Variants in MGAT5 observed in about 807,000 individuals in gnomAD.
MGAT5 encodes alpha-1,6-mannosylglycoprotein 6-beta-N-acetylglucosaminyltransferase A.
A neutral mutation model predicts 94.3 loss-of-function variants in MGAT5; 30 were observed. The observed-to-expected ratio is 0.32, with a 90% CI of 0.24 to 0.43. MGAT5 has a LOEUF of 0.43. Among genes scored for constraint, MGAT5 ranks in the 20% least tolerant of loss-of-function variants. The pLI is 1.00. For missense variants in MGAT5, 691 were observed against 905.5 expected, an observed-to-expected ratio of 0.76 and a Z score of 3.04; for synonymous variants, 310 against 322.9, an observed-to-expected ratio of 0.96 and a Z score of 0.43.
At chr2:134,361,855 T>G (rs1397866707) in intron 9 of MGAT5, among the ~76,000 whole-genome samples, 1 of 152,172 alleles carries the variant, frequency 6.6e-6, no homozygotes, top group East Asian at 1.9e-4. Flanking sequence ...CAGATTCAGT[T>G]ATGTGGGGAC....
At chr2:134,307,577 T>A (rs776072124) in intron 2 of MGAT5, among the ~76,000 whole-genome samples, 26 of 152,102 alleles carry the variant, frequency 1.7e-4, no homozygotes, top group Non-Finnish European at 3.5e-4. Context: ...AGGCTGGAAT[T>A]CATGATTCTG....
At chr2:134,336,194 T>G in intron 4 of MGAT5, 23 bp from the exon 5 acceptor site, 1 of 1,599,166 alleles carries the variant, frequency 6.3e-7, no homozygotes, top group Non-Finnish European at 8.6e-7. Context: ...AGCTGCATAT[T>G]TAGTGTCACT....
intron 14 of MGAT5, among the ~76,000 whole-genome samples, chr2:134,437,028 G>A (rs753004611): frequency 2.5e-4 from 38 of 152,154 alleles, no homozygotes; most frequent in Admixed American, 4.6e-4. Flanking sequence ...TCGCTCTGTC[G>A]CCCAGGCTGG....
chr2:134,196,654 A>G (rs1240094649), intron 1 of MGAT5, among the ~76,000 whole-genome samples: 1 of 152,258 alleles, frequency 6.6e-6, no homozygotes, highest in Non-Finnish European at 1.5e-5. Context: ...TTTATAGTTT[A>G]GAGCAAGCTT....
At chr2:134,198,065 C>T (rs924552269) in intron 1 of MGAT5, among the ~76,000 whole-genome samples, 2 of 152,154 alleles carry the variant, frequency 1.3e-5, no homozygotes, top group African/African-American at 4.8e-5. Context: ...CAGTATATCC[C>T]ATTTGGGCCT....
intron 14 of MGAT5, among the ~76,000 whole-genome samples, chr2:134,439,760 C>T (rs1391048944): frequency 6.6e-6 from 1 of 152,154 alleles, no homozygotes; most frequent in Non-Finnish European, 1.5e-5. Context: ...AACAGTATGC[C>T]CTCTGGATGC....
chr2:134,419,505 T>C (rs534974379), intron 12 of MGAT5, among the ~76,000 whole-genome samples: 49 of 145,930 alleles, frequency 3.4e-4, no homozygotes, highest in African/African-American at 1.1e-3. Flanking sequence ...TAAAGAGAAC[T>C]CATGTTCTCC....
chr2:134,221,237 G>T (rs752870514), intron 1 of MGAT5, among the ~76,000 whole-genome samples: 1 of 152,236 alleles, frequency 6.6e-6, no homozygotes, highest in Non-Finnish European at 1.5e-5. Flanking sequence ...GAAGGCAGGA[G>T]ACATCAATCA....
chr2:134,171,122 A>T (rs1038086575), intron 1 of MGAT5, among the ~76,000 whole-genome samples: 1 of 152,134 alleles, frequency 6.6e-6, no homozygotes, highest in African/African-American at 2.4e-5. Context: ...TAGCCTCCCA[A>T]AGTGCTGGGA....
chr2:134,423,730 T>C (rs1203567133), intron 13 of MGAT5, among the ~76,000 whole-genome samples: 1 of 152,194 alleles, frequency 6.6e-6, no homozygotes, highest in Non-Finnish European at 1.5e-5. Flanking sequence ...CAGCTTCCCC[T>C]CATGTATAAT....
chr2:134,343,663 A>T (rs147649526), intron 7 of MGAT5, among the ~76,000 whole-genome samples: 2 of 152,302 alleles, frequency 1.3e-5, no homozygotes, highest in African/African-American at 4.8e-5. Context: ...GTATTTTGTG[A>T]TGCCTCCAGG....
chr2:134,264,356 C>T lies in MGAT5; in HGVS notation c.242-6030C>T, dbSNP rs367836744. ...GTATTTTTGATGACTGTATACTTTT[C>T]GTTTTTTATCCATCCACTTAACAAA... On this transcript the variant is annotated intron_variant, in intron 1 of 15. Transcript: ENST00000281923. Among the ~76,000 whole-genome samples, 71 of 152,206 alleles carry T rather than the reference C, an allele frequency of 4.7e-4. 3 individuals carry two copies. The East Asian group carries it at 0.011, about 23-fold the overall frequency.
rs576885441 is a variant in MGAT5, at chr2:134,133,853, A to C, written c.-143+13562A>C. 6.6e-5 allele frequency among the ~76,000 whole-genome samples: 10 copies of C among 152,212 alleles called. No homozygotes were observed. The East Asian group carries it at 1.5e-3, about 24-fold the overall frequency. Reference sequence around the variant, plus strand: ...GTGAACCACCTGCATTCTCATGCTGATCCGTTCCTCTGTGGGGGTCTTCAA... The same window carrying C: ...GTGAACCACCTGCATTCTCATGCTGCTCCGTTCCTCTGTGGGGGTCTTCAA... On this transcript the variant is annotated intron_variant, in intron 1 of 16. Transcript: ENST00000409645.
At chr2:134,373,350 A>G (rs1680941214) in intron 10 of MGAT5, among the ~76,000 whole-genome samples, 1 of 152,184 alleles carries the variant, frequency 6.6e-6, no homozygotes, top group African/African-American at 2.4e-5. Flanking sequence ...TTAGAAAAGC[A>G]TTGCAAGATT....
At chr2:134,415,079 C>T (rs377232443) in intron 12 of MGAT5, among the ~76,000 whole-genome samples, 147 of 152,284 alleles carry the variant, frequency 9.7e-4, no homozygotes, top group African/African-American at 3.2e-3. Flanking sequence ...AGTGTACATG[C>T]GAGTGCAGAT....
chr2:134,263,345 G>A (rs1321822243), intron 1 of MGAT5, among the ~76,000 whole-genome samples: 3 of 152,126 alleles, frequency 2.0e-5, no homozygotes, highest in South Asian at 2.1e-4. Context: ...ACCAGATTTC[G>A]ATGCATGGAA....
chr2:134,147,464 T>C (rs1308195627), intron 1 of MGAT5, among the ~76,000 whole-genome samples: 3 of 152,178 alleles, frequency 2.0e-5, no homozygotes, highest in African/African-American at 7.2e-5. Context: ...AGTTGAATCT[T>C]TTTAGTGGAA....
intron 11 of MGAT5, among the ~76,000 whole-genome samples, chr2:134,403,484 G>A (rs1398287152): frequency 1.3e-5 from 2 of 152,176 alleles, no homozygotes; most frequent in African/African-American, 4.8e-5. Context: ...CAGGGGTGCT[G>A]AACTCTTCCC....
At chr2:134,408,104 G>A (rs1202230397) in intron 11 of MGAT5, among the ~76,000 whole-genome samples, 1 of 152,126 alleles carries the variant, frequency 6.6e-6, no homozygotes, top group Non-Finnish European at 1.5e-5. Context: ...AGCCACTGAG[G>A]CTCCAGTCGT....
Sources: allele counts gnomAD v4.1 joint callset (sites outside exome capture counted in the v4.1 genomes callset), GRCh38; gene constraint gnomAD v4.1.1; transcripts MANE v1.5; gene names NCBI Gene and HGNC (gene_info 2026-07-23, HGNC 2026-07-21).